Variants in C12orf60 observed in about 807,000 individuals in gnomAD.
C12orf60 encodes the protein uncharacterized protein C12orf60.
For synonymous variants in C12orf60, 102 were observed against 94.6 expected, an observed-to-expected ratio of 1.08 and a Z score of -0.45; for missense variants, 284 against 283.2, an observed-to-expected ratio of 1.00 and a Z score of -0.02.
At chr12:14,821,929 A>G (rs1179060122) in intron 1 of C12orf60, among the ~76,000 whole-genome samples, 2 of 139,212 alleles carry the variant, frequency 1.4e-5, no homozygotes, top group Non-Finnish European at 3.0e-5. Flanking sequence ...CCATAAGGAC[A>G]GCGTTTTCAC....
chr12:14,807,844 GA>G (rs891747731), intron 1 of C12orf60, among the ~76,000 whole-genome samples: 7 of 151,816 alleles, frequency 4.6e-5, no homozygotes, highest in African/African-American at 1.7e-4. Flanking sequence ...GTGAACGTCA[GA>G]AAAAAAATGC....
rs905191646 is a variant in C12orf60, at chr12:14,806,607, A to G, written c.-25+2856A>G. Reference sequence around the variant, plus strand: ...GAAGCTGTCAGATAAGCAATCAAGAAGCTGCTGGTGAAGACGATTTACTTC... The same window carrying G: ...GAAGCTGTCAGATAAGCAATCAAGAGGCTGCTGGTGAAGACGATTTACTTC... On this transcript the variant is annotated intron_variant, in intron 1 of 1. Coordinates refer to ENST00000330828, the MANE Select transcript of C12orf60 (RefSeq NM_175874.4). 5.3e-5 allele frequency: 85 copies of G among 1,613,984 alleles called. No homozygotes were observed. The highest frequency in any genetic ancestry group is 7.1e-5 in the Non-Finnish European group (84 of 1,180,010).
intron 1 of C12orf60, among the ~76,000 whole-genome samples, chr12:14,818,412 G>T (rs1334577135): frequency 6.6e-6 from 1 of 152,180 alleles, no homozygotes; most frequent in Non-Finnish European, 1.5e-5. Context: ...GTCCTGAATG[G>T]TATTGCCTAG....
intron 1 of C12orf60, among the ~76,000 whole-genome samples, chr12:14,810,504 C>G (rs1410222466): frequency 6.6e-6 from 1 of 152,170 alleles, no homozygotes; most frequent in Non-Finnish European, 1.5e-5. Flanking sequence ...AGACATGGTC[C>G]TTGCTTTTTT....
intron 1 of C12orf60, among the ~76,000 whole-genome samples, chr12:14,820,243 C>G (rs1950284794): frequency 6.6e-6 from 1 of 151,920 alleles, no homozygotes; most frequent in African/African-American, 2.4e-5. Flanking sequence ...TTTGTGTTCT[C>G]TCTCCTTTTT....
rs113954887 is a variant in C12orf60 at position 14,810,878 on chromosome 12, G to A, written c.-25+7127G>A. ...CTCCACTCAGCAAAACAAAAGCCCT[G>A]CAATTATTTGGAGTCACCCTTCTTA... On this transcript the variant is annotated intron_variant, in intron 1 of 1. Coordinates refer to ENST00000330828, the MANE Select transcript of C12orf60 (RefSeq NM_175874.4). 7.5e-3 allele frequency among the ~76,000 whole-genome samples: 1,146 copies of A among 152,234 alleles called. 18 individuals carry two copies. Among genetic ancestry groups the A allele is most frequent in the African/African-American group, 0.027 (1,105 of 41,550 alleles).
chr12:14,808,094 G>A (rs1950080800), intron 1 of C12orf60, among the ~76,000 whole-genome samples: 1 of 152,102 alleles, frequency 6.6e-6, no homozygotes, highest in Non-Finnish European at 1.5e-5. Context: ...TGAACACGGA[G>A]GTGGAGGTTG....
intron 1 of C12orf60, among the ~76,000 whole-genome samples, chr12:14,804,147 A>G (rs935755978): frequency 3.3e-5 from 5 of 152,176 alleles, no homozygotes; most frequent in Admixed American, 6.5e-5. Flanking sequence ...GTTTTAAGTT[A>G]TATGAGTGGC....
rs113665496 is a variant in C12orf60, at chr12:14,812,483, C to T, written c.-25+8732C>T. On this transcript the variant is annotated intron_variant, in intron 1 of 1. Coordinates refer to ENST00000330828, the MANE Select transcript of C12orf60 (RefSeq NM_175874.4). Reference sequence around the variant, plus strand: ...TTTTATTGGTTACGTATACTATTCCCTGTCTTTACCCTGGTTCAATAAATC... The same window carrying T: ...TTTTATTGGTTACGTATACTATTCCTTGTCTTTACCCTGGTTCAATAAATC... Among the ~76,000 whole-genome samples the T allele has an allele frequency of 7.3e-3, 1,118 of 152,210 alleles. 17 individuals are homozygous for T. The highest frequency in any genetic ancestry group is 0.026 in the African/African-American group (1,077 of 41,548).
intron 1 of C12orf60, among the ~76,000 whole-genome samples, chr12:14,810,843 A>T (rs1188039444): frequency 6.6e-6 from 1 of 152,190 alleles, no homozygotes; most frequent in Non-Finnish European, 1.5e-5. Flanking sequence ...TCTGACTCCC[A>T]AAGTGATTAC....
intron 1 of C12orf60, among the ~76,000 whole-genome samples, chr12:14,818,820 G>A (rs989269543): frequency 5.3e-5 from 8 of 152,090 alleles, no homozygotes; most frequent in African/African-American, 1.4e-4. Context: ...GACCACATTT[G>A]TGGGTCTTTT....
At position 14,822,896 on chromosome 12, in the gene C12orf60, C is replaced by T. The variant is rs1301095084; in HGVS notation, c.-24-16C>T. 4 of 1,516,834 alleles carry T rather than the reference C, an allele frequency of 2.6e-6. No individual in the cohort carries two copies. The African/African-American group carries it at 4.2e-5, about 16-fold the overall frequency. 94.0% of individuals were successfully genotyped at this position (1,516,834 alleles called of 1,614,324 possible). A position where few individuals can be genotyped will look rare whatever the true frequency, so the allele number is the denominator to read the frequency against. On this transcript the variant is annotated splice_polypyrimidine_tract_variant and intron_variant, in intron 1 of 1. Transcript: ENST00000330828. ...CGACTTTTATTTTTCATTTGGATTA[C>T]TGCTTTGCTTTGCAGTGTTGGAACT...
intron 1 of C12orf60, among the ~76,000 whole-genome samples, chr12:14,816,278 A>T (rs1950216996): frequency 6.6e-6 from 1 of 152,190 alleles, no homozygotes. Context: ...TGTAGCTCTC[A>T]CTTGATCGTC....
Position 14,823,150 on chromosome 12 carries a change from CTG to C in C12orf60, c.217_218del (p.Val73SerfsTer6), listed in dbSNP as rs1214175935. The C allele has an allele frequency of 1.9e-6, 3 of 1,613,964 alleles. No individual in the cohort carries two copies. In the African/African-American group the frequency reaches 4.0e-5, roughly 22 times the overall value. ...CTCAAAATTTTTAAGGAGATGCAAT[CTG>C]TAGTGGATGCAAGACATGACAAAAT... On this transcript the variant is annotated frameshift_variant, in exon 2 of 2. Coordinates refer to ENST00000330828, the MANE Select transcript of C12orf60 (RefSeq NM_175874.4). LOFTEE classifies it low-confidence loss of function (END_TRUNC).
intron 1 of C12orf60, among the ~76,000 whole-genome samples, chr12:14,822,290 A>C (rs886526181): frequency 3.3e-5 from 5 of 150,786 alleles, no homozygotes; most frequent in African/African-American, 4.9e-5. Flanking sequence ...CCAAGATGGG[A>C]TATATAGGAA....
At chr12:14,813,673 CAT>C (rs1419030516) in intron 1 of C12orf60, among the ~76,000 whole-genome samples, 8 of 152,154 alleles carry the variant, frequency 5.3e-5, no homozygotes, top group Admixed American at 5.2e-4. Flanking sequence ...TTAGATACAA[CAT>C]AATTTATGAA....
chr12:14,808,164 CAA>C (rs550952665), intron 1 of C12orf60, among the ~76,000 whole-genome samples: 3 of 133,134 alleles, frequency 2.3e-5, no homozygotes, highest in Non-Finnish European at 1.6e-5. Flanking sequence ...GACTTTGTCT[CAA>C]AAAAAAAAAA....
chr12:14,807,262 C>T (rs572659945), intron 1 of C12orf60, among the ~76,000 whole-genome samples: 4 of 152,310 alleles, frequency 2.6e-5, no homozygotes, highest in South Asian at 2.1e-4. Flanking sequence ...AAATATTCAT[C>T]GTTTGTCAAG....
At chr12:14,809,587 A>G (rs1384819982) in intron 1 of C12orf60, among the ~76,000 whole-genome samples, 1 of 152,214 alleles carries the variant, frequency 6.6e-6, no homozygotes, top group Non-Finnish European at 1.5e-5. Context: ...CATGGGCTAG[A>G]CTTTGGAGTT....
Sources: allele counts gnomAD v4.1 joint callset (sites outside exome capture counted in the v4.1 genomes callset), GRCh38; gene constraint gnomAD v4.1.1; transcripts MANE v1.5; gene names NCBI Gene and HGNC (gene_info 2026-07-23, HGNC 2026-07-21).